The following HIBADH variants were observed in gnomAD, a reference collection of about 807,000 sequenced individuals.
HIBADH encodes the protein 3-hydroxyisobutyrate dehydrogenase, mitochondrial.
In HIBADH, 25 loss-of-function variants were observed where a neutral mutation model predicts 36.1. The ratio of observed to expected loss-of-function variants is 0.69; its 90% CI spans 0.50 to 0.97. The LOEUF (loss-of-function observed/expected upper bound fraction) is 0.97. Among genes scored for constraint, HIBADH ranks in the 50% least tolerant of loss-of-function variants. HIBADH has a pLI of 0.00. For missense variants in HIBADH, 421 were observed against 418.0 expected (o/e 1.01, Z -0.06); for synonymous variants, 160 against 149.5 (o/e 1.07, Z -0.51).
intron 4 of HIBADH, among the ~76,000 whole-genome samples, chr7:27,564,830 T>A (rs952008287): frequency 6.6e-6 from 1 of 152,238 alleles, no homozygotes; most frequent in Non-Finnish European, 1.5e-5. Context: ...AGTTTTCACA[T>A]GTTCTGCACA....
intron 2 of HIBADH, among the ~76,000 whole-genome samples, chr7:27,642,465 C>G (rs1785976193): frequency 6.6e-6 from 1 of 152,070 alleles, no homozygotes; most frequent in African/African-American, 2.4e-5. Context: ...TTTTATTTCC[C>G]AACAGCATTA....
At chr7:27,541,235 G>C (rs997402772) in intron 5 of HIBADH, among the ~76,000 whole-genome samples, 17 of 151,648 alleles carry the variant, frequency 1.1e-4, no homozygotes, top group African/African-American at 4.1e-4. Context: ...AATGGCGCCT[G>C]GGAACTGTCT....
intron 4 of HIBADH, among the ~76,000 whole-genome samples, chr7:27,625,022 T>C (rs1340942041): frequency 1.3e-5 from 2 of 152,090 alleles, no homozygotes; most frequent in African/African-American, 2.4e-5. Context: ...AAAGAAAAAA[T>C]AGTGATGTAT....
At chr7:27,588,613 G>C (rs1274809525) in intron 4 of HIBADH, among the ~76,000 whole-genome samples, 1 of 152,162 alleles carries the variant, frequency 6.6e-6, no homozygotes, top group Non-Finnish European at 1.5e-5. Context: ...TTACAGGGAT[G>C]AGCCACCACA....
intron 4 of HIBADH, among the ~76,000 whole-genome samples, chr7:27,628,245 TTATTCCTCCACCTA>T (rs1785683214): frequency 1.3e-5 from 2 of 152,114 alleles, no homozygotes; most frequent in Non-Finnish European, 1.5e-5. Context: ...CAGCAATTAT[TTATTCCTCCACCTA>T]TATTCAAAAA....
chr7:27,530,468 A>C (rs577225885), intron 7 of HIBADH, among the ~76,000 whole-genome samples: 4 of 152,214 alleles, frequency 2.6e-5, no homozygotes, highest in African/African-American at 9.6e-5. Flanking sequence ...CGGCCTCCCA[A>C]AATGCTGGGA....
intron 1 of HIBADH, among the ~76,000 whole-genome samples, chr7:27,655,552 G>A (rs1786283248): frequency 6.6e-6 from 1 of 151,806 alleles, no homozygotes; most frequent in South Asian, 2.1e-4. Context: ...TAAAACAAGG[G>A]GAAAAAGATT....
intron 4 of HIBADH, among the ~76,000 whole-genome samples, chr7:27,599,802 T>TC (rs1477303426): frequency 6.6e-6 from 1 of 152,008 alleles, no homozygotes; most frequent in Non-Finnish European, 1.5e-5. Flanking sequence ...AAGTTTTTTT[T>TC]CTTCAAAAAA....
intron 6 of HIBADH, 31 bp downstream of exon 6, chr7:27,538,310 T>C (rs757950544): frequency 3.3e-6 from 5 of 1,507,898 alleles, no homozygotes; most frequent in Middle Eastern, 1.7e-4. Flanking sequence ...CCTATAAAAA[T>C]GTTAGTATAA....
intron 1 of HIBADH, among the ~76,000 whole-genome samples, chr7:27,655,436 A>C (rs1786281594): frequency 6.6e-6 from 1 of 152,026 alleles, no homozygotes; most frequent in African/African-American, 2.4e-5. Flanking sequence ...ATGTGGAAGA[A>C]AAAAAGTCAA....
chr7:27,636,988 A>T (rs1785851633), intron 2 of HIBADH, among the ~76,000 whole-genome samples: 1 of 152,250 alleles, frequency 6.6e-6, no homozygotes, highest in Admixed American at 6.5e-5. Context: ...ATGAAAATAC[A>T]TCTATTATTC....
At chr7:27,604,143 AC>A (rs1785178731) in intron 4 of HIBADH, among the ~76,000 whole-genome samples, 2 of 152,162 alleles carry the variant, frequency 1.3e-5, no homozygotes. Flanking sequence ...ATGCTTCATT[AC>A]TAAATAACAT....
At chr7:27,564,399 T>C (rs1245652045) in intron 4 of HIBADH, among the ~76,000 whole-genome samples, 1 of 152,214 alleles carries the variant, frequency 6.6e-6, no homozygotes, top group Non-Finnish European at 1.5e-5. Flanking sequence ...TCTTAATATA[T>C]GTAGAATTGT....
rs780525690 is a variant in HIBADH at position 27,531,348 on chromosome 7, C to T, written c.696G>A (p.Arg232=). 1.0e-5 allele frequency: 16 copies of T among 1,606,326 alleles called. No individual in the cohort carries two copies. Among genetic ancestry groups the T allele is most frequent in the African/African-American group, 1.3e-5 (1 of 74,750 alleles). ...CCAGTAGTTTTGGGTCAAGCCCTAA[C>T]CTGTCAAAGGTCAAAGAAAAGAAGT... ...GTAEAMNLGI[R]LGLDPKLLAK... The change falls in exon 7 of 8, where the codon AGG becomes AGA. Residue 232 remains arginine (R), a splice_region_variant and synonymous_variant. Coordinates refer to ENST00000265395, the MANE Select transcript of HIBADH (RefSeq NM_152740.4).
At chr7:27,536,052 C>T (rs556877921) in intron 6 of HIBADH, among the ~76,000 whole-genome samples, 29 of 152,132 alleles carry the variant, frequency 1.9e-4, no homozygotes, top group African/African-American at 6.0e-4. Flanking sequence ...TACTACTTTG[C>T]GGGAATTTAC....
chr7:27,623,474 CTGA>C lies in HIBADH; in HGVS notation c.484+5894_484+5896del, dbSNP rs547012774. ...AAGGAAGTTAAACTGTCCCTTTTTG[CTGA>C]TGATATGATCTTACACCTAGAAAAA... is the stretch of plus-strand genomic sequence containing the variant. On this transcript the variant is annotated intron_variant, in intron 4 of 7. Coordinates refer to ENST00000265395, the MANE Select transcript of HIBADH (RefSeq NM_152740.4). Among the ~76,000 whole-genome samples, 10 of 152,048 alleles carry C rather than the reference CTGA, an allele frequency of 6.6e-5. No individual in the cohort carries two copies. In the East Asian group the frequency reaches 7.7e-4, roughly 12 times the overall value.
intron 4 of HIBADH, among the ~76,000 whole-genome samples, chr7:27,565,305 C>T (rs1784529924): frequency 6.6e-6 from 1 of 152,170 alleles, no homozygotes; most frequent in African/African-American, 2.4e-5. Context: ...TTCCTTCTGC[C>T]TCCTGATCGA....
intron 4 of HIBADH, among the ~76,000 whole-genome samples, chr7:27,558,006 C>T (rs1169806157): frequency 6.6e-6 from 1 of 152,108 alleles, no homozygotes; most frequent in Admixed American, 6.6e-5. Context: ...ATTTTGGTAA[C>T]ATTTTTTTCT....
intron 4 of HIBADH, among the ~76,000 whole-genome samples, chr7:27,578,389 C>T (rs1375345869): frequency 6.6e-6 from 1 of 151,670 alleles, no homozygotes; most frequent in African/African-American, 2.4e-5. Context: ...GATCTCAGCT[C>T]ACTGCAACCT....
Sources: allele counts gnomAD v4.1 joint callset (sites outside exome capture counted in the v4.1 genomes callset), GRCh38; gene constraint gnomAD v4.1.1; transcripts MANE v1.5; gene names NCBI Gene and HGNC (gene_info 2026-07-23, HGNC 2026-07-21).